The following KCNG2 variants were observed in gnomAD, a reference collection of about 807,000 sequenced individuals.
KCNG2 encodes voltage-gated potassium channel regulatory subunit KCNG2.
A neutral mutation model predicts 12.3 loss-of-function variants in KCNG2; 7 were observed. The ratio of observed to expected loss-of-function variants is 0.57; its 90% CI spans 0.32 to 1.07. The LOEUF (loss-of-function observed/expected upper bound fraction) is 1.07. Among genes scored for constraint, KCNG2 ranks in the 50% least tolerant of loss-of-function variants. KCNG2 has a pLI of 0.04. For synonymous variants in KCNG2, 414 were observed against 351.4 expected (o/e 1.18, Z -1.99); for missense variants, 703 against 726.0 (o/e 0.97, Z 0.36).
At chr18:79,819,347 G>C (rs1382142964) in intron 1 of KCNG2, among the ~76,000 whole-genome samples, 1 of 152,220 alleles carries the variant, frequency 6.6e-6, no homozygotes, top group South Asian at 2.1e-4. Flanking sequence ...GACCCTTCCT[G>C]GTGGCTGTAC....
chr18:79,871,553 G>A (rs1416242102), intron 3 of KCNG2, among the ~76,000 whole-genome samples: 2 of 152,170 alleles, frequency 1.3e-5, no homozygotes, highest in Non-Finnish European at 2.9e-5. Context: ...ATCCAAACTT[G>A]AGAATCTCGG....
chr18:79,859,730 C>T (rs1979145577), intron 2 of KCNG2, among the ~76,000 whole-genome samples: 1 of 152,174 alleles, frequency 6.6e-6, no homozygotes. Context: ...GACACTATTA[C>T]TTCTCCATTG....
chr18:79,891,515 G>T (rs1373096145), intron 3 of KCNG2, among the ~76,000 whole-genome samples: 1 of 152,150 alleles, frequency 6.6e-6, no homozygotes, highest in African/African-American at 2.4e-5. Context: ...ACAGGCATGA[G>T]CCACCACGCT....
intron 1 of KCNG2, among the ~76,000 whole-genome samples, chr18:79,834,264 G>A (rs540104828): frequency 2.6e-5 from 4 of 152,338 alleles, no homozygotes; most frequent in East Asian, 1.9e-4. Flanking sequence ...CCTGTCCTCC[G>A]ACGTGGCAAA....
In KCNG2 at chr18:79,863,633, G is replaced by A. The variant is rs768824030; in HGVS notation, c.-35G>A. On this transcript the variant is annotated 5_prime_UTR_variant, in exon 3 of 4. Transcript: ENST00000316249. The stretch of plus-strand genomic sequence containing the variant: ...GCGGTCCGTTCCTTTTGCAGGAGCC[G>A]GGCAGGAGCCCCTCGGTCCGGTCCG... 2.5e-6 allele frequency: 3 copies of A among 1,205,730 alleles called. No homozygotes were observed. The highest frequency in any genetic ancestry group is 3.6e-5 in the East Asian group (1 of 27,912). 74.7% of individuals were successfully genotyped at this position (1,205,730 alleles called of 1,614,324 possible). A position where few individuals can be genotyped will look rare whatever the true frequency, so the allele number is the denominator to read the frequency against.
intron 1 of KCNG2, among the ~76,000 whole-genome samples, chr18:79,832,954 C>A (rs1343557482): frequency 6.6e-6 from 1 of 152,230 alleles, no homozygotes; most frequent in African/African-American, 2.4e-5. Context: ...TGCTCCCCTG[C>A]TATGAGCCTG....
chr18:79,872,280 GTTTTTT>G (rs1162742507), intron 3 of KCNG2, among the ~76,000 whole-genome samples: 2 of 73,410 alleles, frequency 2.7e-5, no homozygotes, highest in Admixed American at 2.4e-4. Flanking sequence ...CAAAGCTTCA[GTTTTTT>G]TTTTTTTTTT....
At chr18:79,820,774 G>A (rs2087564491) in intron 1 of KCNG2, among the ~76,000 whole-genome samples, 1 of 151,774 alleles carries the variant, frequency 6.6e-6, no homozygotes, top group Non-Finnish European at 1.5e-5. Context: ...TCAGCCCCTG[G>A]AGCAGCTGGG....
intron 3 of KCNG2, among the ~76,000 whole-genome samples, chr18:79,870,148 A>G (rs1442268941): frequency 1.3e-5 from 2 of 152,144 alleles, no homozygotes; most frequent in East Asian, 3.9e-4. Context: ...GAGGAGGCCG[A>G]GCGACCTCTC....
At chr18:79,833,662 C>T (rs952280422) in intron 1 of KCNG2, among the ~76,000 whole-genome samples, 6 of 152,202 alleles carry the variant, frequency 3.9e-5, no homozygotes, top group African/African-American at 9.6e-5. Context: ...GTCATTTCCA[C>T]GGATAAACAA....
In KCNG2 at chr18:79,803,901, A is replaced by G. The variant is rs2087429810; in HGVS notation, c.-115+5887A>G. On this transcript the variant is annotated intron_variant, in intron 1 of 3. Coordinates refer to ENST00000316249, the MANE Select transcript of KCNG2 (RefSeq NM_012283.2). This position sits in a 1 kb window ranked among gnomAD's most constrained non-coding sequence, Gnocchi z 4.5. Reference sequence around the variant, plus strand: ...GTTTCTCCGGGGTTGGTGCCGGTGGATCAGAATCTTAGGCCTGGCCTGGCC... The same window carrying G: ...GTTTCTCCGGGGTTGGTGCCGGTGGGTCAGAATCTTAGGCCTGGCCTGGCC... Among the ~76,000 whole-genome samples, 1 of 152,016 alleles carries G rather than the reference A, an allele frequency of 6.6e-6. No individual in the cohort carries two copies. The highest frequency in any genetic ancestry group is 6.5e-5 in the Admixed American group (1 of 15,276).
At chr18:79,829,782 G>A (rs146103896) in intron 1 of KCNG2, among the ~76,000 whole-genome samples, 1 of 152,328 alleles carries the variant, frequency 6.6e-6, no homozygotes, top group African/African-American at 2.4e-5. Flanking sequence ...ACCCAGGGCA[G>A]CCTGGTTGGC....
chr18:79,896,867 G>A (rs1980994243), intron 3 of KCNG2, among the ~76,000 whole-genome samples: 1 of 152,110 alleles, frequency 6.6e-6, no homozygotes, highest in African/African-American at 2.4e-5. Context: ...TTCTTGATTG[G>A]CAGGGTTTTT....
intron 1 of KCNG2, among the ~76,000 whole-genome samples, chr18:79,817,208 TCACACGGCTGCCA>T (rs1454753691): frequency 1.3e-5 from 2 of 151,496 alleles, no homozygotes; most frequent in Non-Finnish European, 2.9e-5. Flanking sequence ...CACATGGTTG[TCACACGGCTGCCA>T]CACGGCTGTC....
chr18:79,883,293 G>A (rs73970131), intron 3 of KCNG2, among the ~76,000 whole-genome samples: 9,075 of 152,226 alleles, frequency 0.06, 319 homozygotes, highest in East Asian at 0.14. Flanking sequence ...GGGGGAAGCT[G>A]GGGGAGCTGT....
At position 79,806,383 on chromosome 18, in the gene KCNG2, G is replaced by A. The variant is rs115109578; in HGVS notation, c.-115+8369G>A. Among the ~76,000 whole-genome samples the A allele has an allele frequency of 4.7e-3, 719 of 152,284 alleles. 4 individuals carry two copies. The highest frequency in any genetic ancestry group is 0.016 in the African/African-American group (676 of 41,534). ...AGGCCGCTGTGTCAGGGTTTGGGGT[G>A]TGGGGCCATCAGCAAGCCCCCTGAG... is the stretch of plus-strand genomic sequence containing the variant. On this transcript the variant is annotated intron_variant, in intron 1 of 3. Transcript: ENST00000316249.
chr18:79,810,162 G>A (rs1395189333), intron 1 of KCNG2, among the ~76,000 whole-genome samples: 4 of 152,218 alleles, frequency 2.6e-5, no homozygotes, highest in Non-Finnish European at 5.9e-5. Flanking sequence ...AGCCAGGGAA[G>A]ATGGAGGCGG....
rs545299073 is a variant in KCNG2, at chr18:79,822,717, C to A, written c.-115+24703C>A. Among the ~76,000 whole-genome samples the A allele has an allele frequency of 6.6e-6, 1 of 152,208 alleles. No individual in the cohort carries two copies. Among genetic ancestry groups the A allele is most frequent in the Non-Finnish European group, 1.5e-5 (1 of 68,036 alleles). Reference sequence around the variant, plus strand: ...AGTGCTGAGATCACAGGTGTGAGCACCGTGCTGGGCCTTCAAACGTGTGCT... The same window carrying A: ...AGTGCTGAGATCACAGGTGTGAGCAACGTGCTGGGCCTTCAAACGTGTGCT... On this transcript the variant is annotated intron_variant, in intron 1 of 3. Transcript: ENST00000316249. The surrounding 1 kb of genome is among the most constrained non-coding windows in gnomAD (Gnocchi z 4.4).
chr18:79,858,085 C>CT (rs1215167746), intron 2 of KCNG2, among the ~76,000 whole-genome samples: 2 of 152,236 alleles, frequency 1.3e-5, no homozygotes, highest in Non-Finnish European at 2.9e-5. Context: ...ACTGCAACCT[C>CT]TGACTCCCGG....
Sources: gnomAD v4.1 joint callset for allele counts (sites outside exome capture counted in the v4.1 genomes callset) on GRCh38, gnomAD v4.1.1 for gene constraint, Gnocchi (gnomAD v3.1) non-coding constraint, MANE v1.5 for transcripts, NCBI Gene and HGNC (gene_info 2026-07-23, HGNC 2026-07-21) for gene names.